The following BAHCC1 variants were observed in gnomAD, a reference collection of about 807,000 sequenced individuals.
The protein encoded by BAHCC1 is BAH and coiled-coil domain-containing protein 1.
Under a neutral mutation model 88.2 loss-of-function variants are expected in BAHCC1, and 43 were observed. The ratio of observed to expected loss-of-function variants is 0.49; its 90% confidence interval spans 0.38 to 0.63. BAHCC1 has a LOEUF of 0.63. Among genes scored for constraint, BAHCC1 ranks in the 20% least tolerant of loss-of-function variants. The pLI is 0.00. For missense variants in BAHCC1, 3,023 were observed against 1,654.8 expected (o/e 1.83, Z -14.34); for synonymous variants, 1,510 against 745.5 (o/e 2.03, Z -16.71).
At chr17:81,432,909 C>T (rs1255044619) in intron 3 of BAHCC1, among the ~76,000 whole-genome samples, 3 of 18,208 alleles carry the variant, frequency 1.6e-4, no homozygotes, top group East Asian at 1.1e-3. Context: ...CAGGCCCACC[C>T]TTCCCCCCAT....
chr17:81,400,942 G>A (rs2063808198), intron 2 of BAHCC1: 1 of 152,742 alleles, frequency 6.5e-6, no homozygotes, highest in African/African-American at 2.4e-5. Context: ...GGGACCCGCC[G>A]GGTCACCCTG....
chr17:81,398,415 G>T (rs1555645262), intron 1 of BAHCC1, among the ~76,000 whole-genome samples: 1 of 152,246 alleles, frequency 6.6e-6, no homozygotes, highest in Non-Finnish European at 1.5e-5. Context: ...CTGGCAGAAG[G>T]TTGTGCTGGG....
At position 81,445,118 on chromosome 17, in the gene BAHCC1, G is replaced by C. The variant is rs372281060; in HGVS notation, c.2775G>C (p.Pro925=). The part of the protein sequence containing the change: ...HPGQLPVYSR[P]QLLRQQELYA... The stretch of plus-strand genomic sequence containing the variant: ...GCCAGCTCCCTGTGTACTCGAGGCC[G>C]CAGCTCCTCCGGCAGCAGGAGCTCT... The change falls in exon 9 of 28, where the codon CCG becomes CCC. Residue 925 remains proline (P), a synonymous_variant. Transcript: ENST00000675386. The C allele has an allele frequency of 6.5e-6, 5 of 773,462 alleles. No homozygotes were observed. Among genetic ancestry groups the C allele is most frequent in the Admixed American group, 5.1e-5 (3 of 58,426 alleles). 47.9% of individuals were successfully genotyped at this position (773,462 alleles called of 1,614,324 possible). A position where few individuals can be genotyped will look rare whatever the true frequency, so the allele number is the denominator to read the frequency against.
intron 3 of BAHCC1, among the ~76,000 whole-genome samples, chr17:81,437,143 G>A (rs2064347672): frequency 6.6e-6 from 1 of 152,152 alleles, no homozygotes; most frequent in African/African-American, 2.4e-5. Flanking sequence ...AGTTTTAGAG[G>A]GTGAGGGCCC....
chr17:81,399,660 C>A lies in BAHCC1; in HGVS notation c.-80C>A. The A allele has an allele frequency of 1.1e-6, 1 of 909,100 alleles. No individual in the cohort carries two copies. The highest frequency in any genetic ancestry group is 1.3e-6 in the Non-Finnish European group (1 of 758,640). 56.3% of individuals were successfully genotyped at this position (909,100 alleles called of 1,614,324 possible). A position where few individuals can be genotyped will look rare whatever the true frequency, so the allele number is the denominator to read the frequency against. On this transcript the variant is annotated 5_prime_UTR_variant, in exon 2 of 28. Transcript: ENST00000675386. This position sits in a 1 kb window ranked among gnomAD's most constrained non-coding sequence, Gnocchi z 4.5. ...GACCCCGGACGCCGCCGCCTCTGCG[C>A]CGCCCGCGCGCCGAGCCGCCCCCGG...
chr17:81,411,012 T>C lies in BAHCC1; in HGVS notation c.178+11095T>C, dbSNP rs2063943146. 5.9e-6 allele frequency: 3 copies of C among 510,608 alleles called. No homozygotes were observed. Among genetic ancestry groups the C allele is most frequent in the Non-Finnish European group, 1.2e-5 (3 of 256,080 alleles). The allele number at this position is 510,608 out of a possible 1,614,324, so 31.6% of individuals were successfully genotyped here. A position where few individuals can be genotyped will look rare whatever the true frequency, so the allele number is the denominator to read the frequency against. On this transcript the variant is annotated intron_variant, in intron 2 of 27. Coordinates refer to ENST00000675386, the MANE Select transcript of BAHCC1 (RefSeq NM_001377448.1). The surrounding 1 kb of genome is among the most constrained non-coding windows in gnomAD (Gnocchi z 6.2). ...TTCGGAGCCGCACCTGGGTCTTTGT[T>C]GTCCATATGTCTGTGTGAAGGCCTG...
chr17:81,449,806 G>A (rs562860418), intron 11 of BAHCC1, among the ~76,000 whole-genome samples: 20 of 151,930 alleles, frequency 1.3e-4, no homozygotes, highest in Admixed American at 2.6e-4. Context: ...CTGCCCCTCC[G>A]AGCACCTCCT....
chr17:81,461,541 C>T lies in BAHCC1; in HGVS notation c.6878C>T (p.Ser2293Leu), dbSNP rs868945099. Residue 2293 changes from serine (S) to leucine (L), a missense_variant, in exon 26 of 28, where the codon TCG (serine) becomes TTG (leucine). Coordinates refer to ENST00000675386, the MANE Select transcript of BAHCC1 (RefSeq NM_001377448.1). ...PYDSDCHSSFSDEDEDGPGLA... is the reference protein window; with the variant it reads ...PYDSDCHSSFLDEDEDGPGLA... ...GACAGCGACTGCCACAGCTCCTTCT[C>T]GGACGAGGACGAGGACGGGCCGGGG... is the stretch of plus-strand genomic sequence containing the variant. 2.6e-5 allele frequency: 19 copies of T among 729,468 alleles called. No homozygotes were observed. The highest frequency in any genetic ancestry group is 4.1e-5 in the Non-Finnish European group (16 of 391,898). The allele number at this position is 729,468 out of a possible 1,614,324, so 45.2% of individuals were successfully genotyped here.
chr17:81,453,568 A>C (rs1180465647), intron 14 of BAHCC1, among the ~76,000 whole-genome samples: 2 of 151,006 alleles, frequency 1.3e-5, no homozygotes, highest in Non-Finnish European at 3.0e-5. Flanking sequence ...GGCTGTGGGC[A>C]GTGGAGGGGT....
intron 1 of BAHCC1, chr17:81,395,885 C>T (rs568772322): frequency 9.9e-4 from 150 of 151,652 alleles, no homozygotes; most frequent in African/African-American, 3.1e-3. Context: ...TTTAAAATTA[C>T]CCCCGTAATG....
rs2064309400 is a variant in BAHCC1 at position 81,434,478 on chromosome 17, A to G, written c.359-3892A>G. On this transcript the variant is annotated intron_variant, in intron 3 of 27. Transcript: ENST00000675386. This position sits in a 1 kb window ranked among gnomAD's most constrained non-coding sequence, Gnocchi z 4.9. ...TCCTCAAAGGCGTGCGGGCTGGGGC[A>G]GGGCGCTCGAGGTGTGCTTCAGCAC... 6.6e-6 allele frequency among the ~76,000 whole-genome samples: 1 copy of G among 152,140 alleles called. No individual in the cohort carries two copies. Among genetic ancestry groups the G allele is most frequent in the African/African-American group, 2.4e-5 (1 of 41,426 alleles).
rs781893850 is a variant in BAHCC1 at position 81,411,561 on chromosome 17, TTC to T, written c.178+11645_178+11646del. ...CTTCCTTCCTTCCTTCCTTCCTTCC[TTC>T]CTTCCTTCCTTGAGAGGCCTCTCTA... is the stretch of plus-strand genomic sequence containing the variant. On this transcript the variant is annotated intron_variant, in intron 2 of 27. Coordinates refer to ENST00000675386, the MANE Select transcript of BAHCC1 (RefSeq NM_001377448.1). The surrounding 1 kb of genome is among the most constrained non-coding windows in gnomAD (Gnocchi z 6.2). 6.5e-5 allele frequency: 27 copies of T among 413,568 alleles called. 1 individual carries two copies. Among genetic ancestry groups the T allele is most frequent in the South Asian group, 4.4e-4 (26 of 58,756 alleles). The allele number at this position is 413,568 out of a possible 1,614,324, so 25.6% of individuals were successfully genotyped here. A position where few individuals can be genotyped will look rare whatever the true frequency, so the allele number is the denominator to read the frequency against.
At position 81,456,233 on chromosome 17, in the gene BAHCC1, C is replaced by CCGTT. The variant is rs575668549; in HGVS notation, c.4570-62_4570-61insTTCG. The CCGTT allele has an allele frequency of 1.8e-4, 121 of 673,750 alleles. No homozygotes were observed. The African/African-American group carries it at 2.0e-3, about 11-fold the overall frequency. The allele number at this position is 673,750 out of a possible 1,614,324, so 41.7% of individuals were successfully genotyped here. A position where few individuals can be genotyped will look rare whatever the true frequency, so the allele number is the denominator to read the frequency against. ...CGGGCATCAACAGAGAGGCACCTAACCGCCCAGGGGCTGTGGTTTGCAGAG... is the reference window on the plus strand; with the variant it reads ...CGGGCATCAACAGAGAGGCACCTAACCGTTCGCCCAGGGGCTGTGGTTTGCAGAG... On this transcript the variant is annotated intron_variant, in intron 15 of 27. Coordinates refer to ENST00000675386, the MANE Select transcript of BAHCC1 (RefSeq NM_001377448.1).
At chr17:81,445,722 C>T in intron 10 of BAHCC1, 41 bp downstream of exon 10, 1 of 707,168 alleles carries the variant, frequency 1.4e-6, no homozygotes, top group Non-Finnish European at 2.6e-6. Context: ...TGCTCCGCTC[C>T]AAGCCCTCCC....
chr17:81,406,775 TG>T, intron 2 of BAHCC1: 1 of 415,054 alleles, frequency 2.4e-6, no homozygotes, highest in Non-Finnish European at 4.9e-6. Flanking sequence ...TGGCAGGCGC[TG>T]GGGGCAGGCG....
intron 4 of BAHCC1, among the ~76,000 whole-genome samples, chr17:81,438,715 G>A (rs1334198780): frequency 6.6e-6 from 1 of 152,146 alleles, no homozygotes; most frequent in African/African-American, 2.4e-5. Flanking sequence ...CCCAGGTCAC[G>A]CTGTCTCAAG....
rs374331638 is a variant in BAHCC1 at position 81,458,615 on chromosome 17, G to A, written c.5344-6G>A. The A allele has an allele frequency of 4.8e-5, 34 of 715,434 alleles. No individual in the cohort carries two copies. The highest frequency in any genetic ancestry group is 8.3e-5 in the Non-Finnish European group (32 of 384,508). 44.3% of individuals were successfully genotyped at this position (715,434 alleles called of 1,614,324 possible). ...CTCAGCCCCTTCTCTGCCTGCCCACGCGCAGCGGAAGAACGGGGCCCTGTC... is the reference window on the plus strand; with the variant it reads ...CTCAGCCCCTTCTCTGCCTGCCCACACGCAGCGGAAGAACGGGGCCCTGTC... On this transcript the variant is annotated splice_region_variant and splice_polypyrimidine_tract_variant and intron_variant, in intron 18 of 27. Coordinates refer to ENST00000675386, the MANE Select transcript of BAHCC1 (RefSeq NM_001377448.1).
At chr17:81,438,747 A>G (rs1238008408) in intron 4 of BAHCC1, among the ~76,000 whole-genome samples, 4 of 152,078 alleles carry the variant, frequency 2.6e-5, no homozygotes, top group African/African-American at 9.7e-5. Context: ...CTCAGGTGGG[A>G]GCAGCTGAGC....
At position 81,411,990 on chromosome 17, in the gene BAHCC1, G is replaced by A. The variant is rs1418063549; in HGVS notation, c.178+12073G>A. 6.6e-6 allele frequency among the ~76,000 whole-genome samples: 1 copy of A among 152,248 alleles called. No individual in the cohort carries two copies. The highest frequency in any genetic ancestry group is 2.4e-5 in the African/African-American group (1 of 41,458). ...CGCACAGGGACTCAAGTGTGGCCACGATTAGGGCAGGACCAGGGCCCCGTG... is the reference window on the plus strand; with the variant it reads ...CGCACAGGGACTCAAGTGTGGCCACAATTAGGGCAGGACCAGGGCCCCGTG... On this transcript the variant is annotated intron_variant, in intron 2 of 27. Coordinates refer to ENST00000675386, the MANE Select transcript of BAHCC1 (RefSeq NM_001377448.1). This position sits in a 1 kb window ranked among gnomAD's most constrained non-coding sequence, Gnocchi z 6.2.
Sources: allele counts gnomAD v4.1 joint callset (sites outside exome capture counted in the v4.1 genomes callset), GRCh38; gene constraint gnomAD v4.1.1; non-coding constraint Gnocchi (gnomAD v3.1); transcripts MANE v1.5; gene names NCBI Gene and HGNC (gene_info 2026-07-23, HGNC 2026-07-21).